The following BACH2 variants were observed in gnomAD, a reference collection of about 807,000 sequenced individuals.
BACH2 encodes the protein BACH transcriptional regulator 2, also known as transcription regulator protein BACH2.
BACH2 carries 5 observed loss-of-function variants against 61.8 expected under a neutral mutation model. The ratio of observed to expected loss-of-function variants is 0.08; its 90% confidence interval spans 0.04 to 0.17. The LOEUF is 0.17. Among genes scored for constraint, BACH2 ranks in the 10% least tolerant of loss-of-function variants. The probability of loss-of-function intolerance (pLI) is 1.00; values close to 1 mark genes in which losing one functional copy is unlikely to be tolerated. For missense variants in BACH2, 824 were observed against 1,091.1 expected, an observed-to-expected ratio of 0.76 and a Z score of 3.45; for synonymous variants, 446 against 440.1, an observed-to-expected ratio of 1.01 and a Z score of -0.17.
chr6:90,242,902 G>A (rs925356650), intron 3 of BACH2, among the ~76,000 whole-genome samples: 4 of 151,274 alleles, frequency 2.6e-5, no homozygotes, highest in Non-Finnish European at 5.9e-5. Context: ...TTTTTGAGGC[G>A]GAGTTTAGCT....
Position 90,024,294 on chromosome 6 carries a change from C to T in BACH2, c.-12-15438G>A, listed in dbSNP as rs79000077. Among the ~76,000 whole-genome samples, 529 of 152,250 alleles carry T rather than the reference C, an allele frequency of 3.5e-3. 1 individual carries two copies. Among genetic ancestry groups the T allele is most frequent in the African/African-American group, 0.012 (504 of 41,542 alleles). On this transcript the variant is annotated intron_variant, in intron 5 of 8. Coordinates refer to ENST00000257749, the MANE Select transcript of BACH2 (RefSeq NM_021813.4). ...CAAATGAAAAAAAACACACCCACACCTTAAATCCTACAACTTATGGTCAGG... is the reference window on the plus strand; with the variant it reads ...CAAATGAAAAAAAACACACCCACACTTTAAATCCTACAACTTATGGTCAGG...
Position 90,221,940 on chromosome 6 carries a change from G to A in BACH2, c.-274-15259C>T, listed in dbSNP as rs533190032. Among the ~76,000 whole-genome samples the A allele has an allele frequency of 3.3e-5, 5 of 152,252 alleles. No individual in the cohort carries two copies. In the East Asian group the frequency reaches 9.7e-4, roughly 29 times the overall value. On this transcript the variant is annotated intron_variant, in intron 3 of 8. Coordinates refer to ENST00000257749, the MANE Select transcript of BACH2 (RefSeq NM_021813.4). ...ATGTCATGATATAGCTTAGACCAGT[G>A]CTGGCCAACAGAAACACAAGGTGAA...
chr6:89,986,790 C>A (rs1033939932), intron 6 of BACH2, among the ~76,000 whole-genome samples: 8 of 152,202 alleles, frequency 5.3e-5, no homozygotes, highest in Non-Finnish European at 8.8e-5. Flanking sequence ...TCATTAGGAA[C>A]AAGTCATGCC....
intron 4 of BACH2, among the ~76,000 whole-genome samples, chr6:90,118,311 T>C (rs775474872): frequency 3.9e-5 from 6 of 152,182 alleles, no homozygotes; most frequent in Non-Finnish European, 5.9e-5. Context: ...CTGTGGATAA[T>C]ACAAACAGGA....
intron 8 of BACH2, among the ~76,000 whole-genome samples, chr6:89,934,435 A>G (rs1408078700): frequency 6.6e-6 from 1 of 152,160 alleles, no homozygotes; most frequent in Non-Finnish European, 1.5e-5. Context: ...AGATGGGCAG[A>G]TCACTTGAGG....
chr6:89,964,100 A>T (rs1774910877), intron 6 of BACH2, among the ~76,000 whole-genome samples: 1 of 152,102 alleles, frequency 6.6e-6, no homozygotes, highest in Non-Finnish European at 1.5e-5. Flanking sequence ...AGATATACCT[A>T]ATGCTAGATG....
intron 4 of BACH2, among the ~76,000 whole-genome samples, chr6:90,168,406 C>A (rs778825064): frequency 1.3e-5 from 2 of 152,156 alleles, no homozygotes; most frequent in Non-Finnish European, 2.9e-5. Flanking sequence ...GAAATTCAAA[C>A]AATGGAAAAC....
intron 5 of BACH2, among the ~76,000 whole-genome samples, chr6:90,075,884 A>G (rs1781452586): frequency 6.6e-6 from 1 of 152,114 alleles, no homozygotes; most frequent in Admixed American, 6.6e-5. Flanking sequence ...AGCACCTGGT[A>G]TTGGCTTTTT....
At chr6:90,089,312 C>A (rs1782062064) in intron 4 of BACH2, among the ~76,000 whole-genome samples, 1 of 151,984 alleles carries the variant, frequency 6.6e-6, no homozygotes, top group South Asian at 2.1e-4. Flanking sequence ...CTGGGCTCTG[C>A]CTACTAGAAG....
intron 5 of BACH2, among the ~76,000 whole-genome samples, chr6:90,074,598 T>C (rs911880272): frequency 6.6e-6 from 1 of 152,198 alleles, no homozygotes; most frequent in Non-Finnish European, 1.5e-5. Flanking sequence ...TTAAGAATCA[T>C]CCAGTACACT....
intron 3 of BACH2, among the ~76,000 whole-genome samples, chr6:90,251,411 T>C (rs938720889): frequency 3.9e-5 from 6 of 152,208 alleles, no homozygotes; most frequent in African/African-American, 1.4e-4. Flanking sequence ...AAACTGTAAA[T>C]ATTTTTAGCC....
At position 90,128,425 on chromosome 6, in the gene BACH2, A is replaced by G. The variant is rs141922408; in HGVS notation, c.-161-39316T>C. On this transcript the variant is annotated intron_variant, in intron 4 of 8. Transcript: ENST00000257749. Reference sequence around the variant, plus strand: ...GTGAAACCCTGTTTCTACTAAAAATATAAAAATTAGCTGGGTGTGATGGCG... The same window carrying G: ...GTGAAACCCTGTTTCTACTAAAAATGTAAAAATTAGCTGGGTGTGATGGCG... Among the ~76,000 whole-genome samples, 1,038 of 152,292 alleles carry G rather than the reference A, an allele frequency of 6.8e-3. 15 individuals are homozygous for G. The highest frequency in any genetic ancestry group is 0.023 in the African/African-American group (935 of 41,552).
intron 4 of BACH2, among the ~76,000 whole-genome samples, chr6:90,162,808 T>C (rs1036232993): frequency 2.6e-5 from 4 of 152,132 alleles, no homozygotes; most frequent in African/African-American, 7.2e-5. Context: ...TGCTGCCCAT[T>C]CTTTTATCTT....
chr6:90,246,555 CAT>C (rs1770645128), intron 3 of BACH2, among the ~76,000 whole-genome samples: 1 of 152,032 alleles, frequency 6.6e-6, no homozygotes, highest in African/African-American at 2.4e-5. Context: ...AACAAAATAA[CAT>C]GTTCTCTTAG....
chr6:90,260,852 T>C (rs1043330784), intron 2 of BACH2, among the ~76,000 whole-genome samples: 8 of 152,156 alleles, frequency 5.3e-5, no homozygotes, highest in Admixed American at 2.0e-4. Context: ...TAGGAAGTCT[T>C]GGATTCCAAC....
chr6:90,210,312 AACACACACACACACACACAC>A lies in BACH2; in HGVS notation c.-274-3651_-274-3632del, dbSNP rs3072671. Among the ~76,000 whole-genome samples the A allele has an allele frequency of 4.1e-5, 6 of 147,250 alleles. No individual in the cohort carries two copies. The South Asian group carries it at 8.8e-4, about 22-fold the overall frequency. On this transcript the variant is annotated intron_variant, in intron 3 of 8. Transcript: ENST00000257749. ...ATAAACACAACACACACCCCAAAACAACACACACACACACACACACACACACACACACACACACGCACATG... is the reference window on the plus strand; with the variant it reads ...ATAAACACAACACACACCCCAAAACAACACACACACACACACACGCACATG...
At chr6:90,012,386 T>C (rs1479114852) in intron 5 of BACH2, among the ~76,000 whole-genome samples, 2 of 151,956 alleles carry the variant, frequency 1.3e-5, no homozygotes, top group Non-Finnish European at 2.9e-5. Flanking sequence ...TCACAAGACT[T>C]TGGGAGGCTG....
chr6:89,932,061 C>A lies in BACH2; in HGVS notation c.*347G>T. 1.1e-5 allele frequency: 2 copies of A among 189,176 alleles called. No homozygotes were observed. The highest frequency in any genetic ancestry group is 1.3e-4 in the South Asian group (1 of 7,536). The allele number at this position is 189,176 out of a possible 1,614,324, so 11.7% of individuals were successfully genotyped here. Reference sequence around the variant, plus strand: ...AAAATTGAACATTCAGAAGAAATTCCTGAGATAGGGTTTGTGACATGGGCC... The same window carrying A: ...AAAATTGAACATTCAGAAGAAATTCATGAGATAGGGTTTGTGACATGGGCC... On this transcript the variant is annotated 3_prime_UTR_variant, in exon 9 of 9. Coordinates refer to ENST00000257749, the MANE Select transcript of BACH2 (RefSeq NM_021813.4).
intron 2 of BACH2, among the ~76,000 whole-genome samples, chr6:90,256,133 A>T (rs1394402262): frequency 6.6e-6 from 1 of 152,004 alleles, no homozygotes; most frequent in Non-Finnish European, 1.5e-5. Context: ...CTCACATAAA[A>T]CGTACAGTGT....
Sources: allele counts gnomAD v4.1 joint callset (sites outside exome capture counted in the v4.1 genomes callset), GRCh38; gene constraint gnomAD v4.1.1; transcripts MANE v1.5; gene names NCBI Gene and HGNC (gene_info 2026-07-23, HGNC 2026-07-21).